The following MARCHF6 variants were observed in gnomAD, a reference collection of about 807,000 sequenced individuals.
MARCHF6 encodes the protein E3 ubiquitin-protein ligase MARCHF6.
Under a neutral mutation model 133.7 loss-of-function variants are expected in MARCHF6, and 31 were observed. The ratio of observed to expected loss-of-function variants is 0.23; its 90% CI spans 0.17 to 0.31. MARCHF6 has a LOEUF of 0.31. MARCHF6 is among the 10% of genes least tolerant of loss of function. MARCHF6 has a pLI of 1.00. For synonymous variants in MARCHF6, 395 were observed against 402.5 expected, an observed-to-expected ratio of 0.98 and a Z score of 0.22; for missense variants, 723 against 1,121.6, an observed-to-expected ratio of 0.64 and a Z score of 5.08.
intron 19 of MARCHF6, among the ~76,000 whole-genome samples, chr5:10,412,570 A>G (rs16884665): frequency 0.051 from 7,825 of 151,960 alleles, 679 homozygotes; most frequent in African/African-American, 0.18. Context: ...TGCAGATAAG[A>G]GAGTTGTGTT....
intron 11 of MARCHF6, chr5:10,401,192 T>C (rs1738515479): frequency 5.1e-6 from 1 of 195,256 alleles, no homozygotes; most frequent in African/African-American, 2.3e-5. Flanking sequence ...AGTAACAATA[T>C]ATCAATCAAT....
intron 3 of MARCHF6, among the ~76,000 whole-genome samples, chr5:10,381,089 T>G (rs1737113628): frequency 6.6e-6 from 1 of 152,222 alleles, no homozygotes; most frequent in Non-Finnish European, 1.5e-5. Flanking sequence ...GAATTGTTTG[T>G]TTTTCCTTTA....
intron 21 of MARCHF6, among the ~76,000 whole-genome samples, chr5:10,417,004 T>G (rs1333689960): frequency 6.6e-6 from 1 of 152,236 alleles, no homozygotes; most frequent in Non-Finnish European, 1.5e-5. Context: ...AGCAGGGGCC[T>G]TGGCCAGTCG....
chr5:10,405,186 G>A (rs1738804687), intron 15 of MARCHF6, among the ~76,000 whole-genome samples: 1 of 152,110 alleles, frequency 6.6e-6, no homozygotes, highest in Admixed American at 6.5e-5. Context: ...TCATTTACAG[G>A]GGGAAGGCAA....
intron 1 of MARCHF6, among the ~76,000 whole-genome samples, chr5:10,358,900 C>T (rs1386534436): frequency 6.6e-6 from 1 of 152,146 alleles, no homozygotes; most frequent in African/African-American, 2.4e-5. Flanking sequence ...CTGTACATGG[C>T]ACCATTCACA....
intron 5 of MARCHF6, among the ~76,000 whole-genome samples, chr5:10,389,467 T>A (rs903482625): frequency 6.6e-6 from 1 of 151,064 alleles, no homozygotes; most frequent in Non-Finnish European, 1.5e-5. Context: ...GGTGGCTCAA[T>A]CTTGGCTTAC....
At chr5:10,363,132 A>G (rs1735926801) in intron 1 of MARCHF6, among the ~76,000 whole-genome samples, 1 of 152,198 alleles carries the variant, frequency 6.6e-6, no homozygotes, top group Non-Finnish European at 1.5e-5. Flanking sequence ...CTTGGGTTAG[A>G]CCAAGATCTC....
chr5:10,422,764 A>G (rs1739890115), intron 22 of MARCHF6, among the ~76,000 whole-genome samples: 1 of 143,624 alleles, frequency 7.0e-6, no homozygotes, highest in Admixed American at 6.7e-5. Context: ...GAAGAGGAGA[A>G]TTAACAATCT....
intron 17 of MARCHF6, among the ~76,000 whole-genome samples, chr5:10,409,120 C>G (rs893995831): frequency 1.3e-5 from 2 of 152,120 alleles, no homozygotes; most frequent in African/African-American, 2.4e-5. Flanking sequence ...TGCGCCCAGC[C>G]TCTTATTTGG....
At position 10,367,557 on chromosome 5, in the gene MARCHF6, A is replaced by G. The variant is rs1351782360; in HGVS notation, c.20-10241A>G. On this transcript the variant is annotated intron_variant, in intron 1 of 25. Transcript: ENST00000274140. Reference sequence around the variant, plus strand: ...GAACTTTCAAGATAGATAATAGCTTAAGAGTTATAACATGTACCCCAAAAC... The same window carrying G: ...GAACTTTCAAGATAGATAATAGCTTGAGAGTTATAACATGTACCCCAAAAC... 3.3e-5 allele frequency among the ~76,000 whole-genome samples: 5 copies of G among 152,238 alleles called. No homozygotes were observed. The East Asian group carries it at 9.6e-4, about 29-fold the overall frequency.
intron 1 of MARCHF6, among the ~76,000 whole-genome samples, chr5:10,373,189 C>T (rs959718678): frequency 1.3e-5 from 2 of 152,124 alleles, no homozygotes; most frequent in Non-Finnish European, 2.9e-5. Context: ...CCAAGCAGAG[C>T]CCTGGGGCTT....
chr5:10,414,192 T>G (rs557545933), intron 19 of MARCHF6, among the ~76,000 whole-genome samples: 1 of 152,314 alleles, frequency 6.6e-6, no homozygotes, highest in Non-Finnish European at 1.5e-5. Flanking sequence ...GCTCTCTGAT[T>G]AAAACATTTG....
At chr5:10,375,892 C>CT (rs1554020189) in intron 1 of MARCHF6, among the ~76,000 whole-genome samples, 1 of 152,048 alleles carries the variant, frequency 6.6e-6, no homozygotes, top group Non-Finnish European at 1.5e-5. Flanking sequence ...AATCTACACT[C>CT]TATCTAGCTG....
intron 10 of MARCHF6, among the ~76,000 whole-genome samples, chr5:10,400,422 T>C (rs953585523): frequency 1.3e-5 from 2 of 152,188 alleles, no homozygotes; most frequent in Admixed American, 6.5e-5. Flanking sequence ...TGATGTTGCT[T>C]TTTCTCTTTT....
chr5:10,417,691 T>C lies in MARCHF6; in HGVS notation c.2283+287T>C, dbSNP rs373906045. On this transcript the variant is annotated intron_variant, in intron 22 of 25. Transcript: ENST00000274140. ...ATGTTCATGACACTGCACTGTAGCC[T>C]GGGCAACAGAGTAAGAGCCTCTGTC... Among the ~76,000 whole-genome samples the C allele has an allele frequency of 3.4e-5, 4 of 116,796 alleles. No homozygotes were observed. The South Asian group carries it at 1.0e-3, about 30-fold the overall frequency. 76.6% of individuals were successfully genotyped at this position (116,796 alleles called of 152,430 possible). A position where few individuals can be genotyped will look rare whatever the true frequency, so the allele number is the denominator to read the frequency against.
chr5:10,428,499 G>T (rs553561399), intron 24 of MARCHF6, among the ~76,000 whole-genome samples: 6 of 151,888 alleles, frequency 4.0e-5, no homozygotes, highest in Admixed American at 2.0e-4. Context: ...GCGCCACCAT[G>T]CCCAGCTAAT....
At chr5:10,396,026 G>A (rs1043273726) in intron 9 of MARCHF6, among the ~76,000 whole-genome samples, 2 of 152,194 alleles carry the variant, frequency 1.3e-5, no homozygotes, top group African/African-American at 2.4e-5. Context: ...AGTCGTTGAG[G>A]TAGTGGTGGT....
At chr5:10,427,154 G>C (rs1028006723) in intron 24 of MARCHF6, among the ~76,000 whole-genome samples, 2 of 152,102 alleles carry the variant, frequency 1.3e-5, no homozygotes, top group African/African-American at 4.8e-5. Context: ...TGTCCCTCTG[G>C]TCTCCAAGTG....
Position 10,414,441 on chromosome 5 carries a change from GTTGA to G in MARCHF6, c.1909_1912del (p.Ile637SerfsTer5). The G allele has an allele frequency of 6.2e-7, 1 of 1,610,384 alleles. No individual in the cohort carries two copies. Among genetic ancestry groups the G allele is most frequent in the Non-Finnish European group, 8.5e-7 (1 of 1,177,326 alleles). ...TATGTTTTACTTTGCAGATATTTCTGTTGATTGTCTTCATGTGTATAACATTACT... is the reference window on the plus strand; with the variant it reads ...TATGTTTTACTTTGCAGATATTTCTGTTGTCTTCATGTGTATAACATTACT... On this transcript the variant is annotated frameshift_variant, in exon 20 of 26. Transcript: ENST00000274140. LOFTEE classifies it high-confidence loss of function.
Sources: allele counts gnomAD v4.1 joint callset (sites outside exome capture counted in the v4.1 genomes callset), GRCh38; gene constraint gnomAD v4.1.1; transcripts MANE v1.5; gene names NCBI Gene and HGNC (gene_info 2026-07-23, HGNC 2026-07-21).